Variants in MOK observed in about 807,000 individuals in gnomAD.
MOK encodes MOK protein kinase, also known as MAPK/MAK/MRK overlapping kinase.
In MOK, 59 loss-of-function variants were observed where a neutral mutation model predicts 54.2. The observed-to-expected ratio is 1.09, with a 90% CI of 0.88 to 1.35. The LOEUF (loss-of-function observed/expected upper bound fraction) is 1.35. Among genes scored for constraint, MOK ranks in the 40% most tolerant of loss-of-function variants. MOK has a pLI of 0.00. For missense variants in MOK, 517 were observed against 526.2 expected, an observed-to-expected ratio of 0.98 and a Z score of 0.17; for synonymous variants, 210 against 202.7, an observed-to-expected ratio of 1.04 and a Z score of -0.31.
chr14:102,261,336 T>C (rs190711807), intron 4 of MOK, among the ~76,000 whole-genome samples: 1,455 of 119,614 alleles, frequency 0.012, 35 homozygotes, highest in African/African-American at 0.036. Flanking sequence ...GTAGAATCTC[T>C]TGAACCTGGG....
downstream of MOK, among the ~76,000 whole-genome samples, chr14:102,222,036 T>C (rs76039327): frequency 9.8e-5 from 15 of 152,318 alleles, no homozygotes; most frequent in East Asian, 2.9e-3. The surrounding 1 kb of genome is among the most constrained non-coding windows in gnomAD (Gnocchi z 4.4). Context: ...TTAAACCCTC[T>C]TAGGTTTACC....
At position 102,263,529 on chromosome 14, in the gene MOK, CAA is replaced by C; in HGVS notation, c.283+15_283+16del. On this transcript the variant is annotated intron_variant, in intron 4 of 11. Transcript: ENST00000361847. ...TAAAAGAGGATCTTAGGTTAGCTTT[CAA>C]ATTATTCTACGTACCTCGTATTAGC... 6.4e-7 allele frequency: 1 copy of C among 1,557,968 alleles called. No individual in the cohort carries two copies. The highest frequency in any genetic ancestry group is 8.8e-7 in the Non-Finnish European group (1 of 1,142,576).
intron 2 of MOK, 46 bp from the exon 3 acceptor site, chr14:102,265,958 A>T (rs1386646227): frequency 7.4e-7 from 1 of 1,357,164 alleles, no homozygotes; most frequent in South Asian, 1.2e-5. Flanking sequence ...GTTTAGGTCA[A>T]CTTCAAAATT....
intron 4 of MOK, among the ~76,000 whole-genome samples, chr14:102,262,589 T>C (rs2067571790): frequency 6.6e-6 from 1 of 152,386 alleles, no homozygotes; most frequent in Non-Finnish European, 1.5e-5. Flanking sequence ...TTTTCCACTA[T>C]CCAACTTCAT....
chr14:102,297,999 A>G (rs910031874), intron 1 of MOK, among the ~76,000 whole-genome samples: 11 of 152,156 alleles, frequency 7.2e-5, no homozygotes, highest in Non-Finnish European at 1.3e-4. Context: ...GCGCAGCCCA[A>G]GCCTCCCCGA....
intron 2 of MOK, among the ~76,000 whole-genome samples, chr14:102,269,540 T>A (rs1482944591): frequency 6.6e-6 from 1 of 151,430 alleles, no homozygotes; most frequent in East Asian, 1.9e-4. Flanking sequence ...TGGAGTGATC[T>A]TGGCTCACTG....
intron 2 of MOK, among the ~76,000 whole-genome samples, chr14:102,266,330 A>T (rs7145061): frequency 0.2 from 30,614 of 151,336 alleles, 3,592 homozygotes; most frequent in African/African-American, 0.32. Context: ...TTTTTGAGAC[A>T]AAGCCTCACT....
At chr14:102,222,426 G>A, downstream of MOK, among the ~76,000 whole-genome samples, 1 of 152,196 alleles carries the variant, frequency 6.6e-6, no homozygotes, top group East Asian at 1.9e-4. This position sits in a 1 kb window ranked among gnomAD's most constrained non-coding sequence, Gnocchi z 4.4. Flanking sequence ...GAGGGACTGG[G>A]TGTGCGGTCC....
At chr14:102,218,902 G>A in the MOK span, among the ~76,000 whole-genome samples, 6 of 152,220 alleles carry the variant, frequency 3.9e-5, no homozygotes, top group Non-Finnish European at 8.8e-5. Flanking sequence ...CACAGGTGAA[G>A]CGTGGGCGGG....
chr14:102,272,719 C>A (rs2068480930), intron 2 of MOK, among the ~76,000 whole-genome samples: 1 of 152,070 alleles, frequency 6.6e-6, no homozygotes, highest in Non-Finnish European at 1.5e-5. Flanking sequence ...CAATTCAGGA[C>A]AAAAATTCTC....
Position 102,293,702 on chromosome 14 carries a change from A to C in MOK, c.8-10110T>G, listed in dbSNP as rs77364433. Among the ~76,000 whole-genome samples, 543 of 63,810 alleles carry C rather than the reference A, an allele frequency of 8.5e-3. 9 individuals carry two copies. The highest frequency in any genetic ancestry group is 0.041 in the African/African-American group (250 of 6,032). 41.9% of individuals were successfully genotyped at this position (63,810 alleles called of 152,430 possible). A position where few individuals can be genotyped will look rare whatever the true frequency, so the allele number is the denominator to read the frequency against. On this transcript the variant is annotated intron_variant, in intron 1 of 11. Transcript: ENST00000361847. ...GGCAACAAGAGCGAAACTCCATCACAAAAAAAAAAAAAAAAAAAAAAAAAG... is the reference window on the plus strand; with the variant it reads ...GGCAACAAGAGCGAAACTCCATCACCAAAAAAAAAAAAAAAAAAAAAAAAG...
rs778326923 is a variant in MOK at position 102,229,299 on chromosome 14, C to T, written c.1250G>A (p.Gly417Asp). The T allele has an allele frequency of 7.5e-6, 12 of 1,604,878 alleles. No homozygotes were observed. In the Admixed American group the frequency reaches 1.5e-4, roughly 20 times the overall value. ...QCRLPTIVRK[G>D]GR ...GACGGTGCTGCTCAGTTATCTTCCG[C>T]CTTTCCGCACTATGGTGGGCAGGCG... The change falls in exon 12 of 12, where the codon GGC becomes GAC. Residue 417 changes from glycine to aspartate, a missense_variant. By Grantham distance (94) the Gly-to-Asp change is moderately conservative. Transcript: ENST00000361847.
At chr14:102,233,842 C>A in intron 7 of MOK, 53 bp from the exon 8 acceptor site, 1 of 1,362,170 alleles carries the variant, frequency 7.3e-7, no homozygotes, top group South Asian at 1.2e-5. Flanking sequence ...GCCAACAGAC[C>A]TCACCAATTA....
chr14:102,243,981 CATCA>C (rs2065906206), intron 7 of MOK, among the ~76,000 whole-genome samples: 1 of 152,048 alleles, frequency 6.6e-6, no homozygotes, highest in Non-Finnish European at 1.5e-5. Context: ...AGGAACTACG[CATCA>C]ATATTTATAC....
intron 3 of MOK, among the ~76,000 whole-genome samples, chr14:102,265,039 G>A (rs1457455658): frequency 6.6e-6 from 1 of 152,208 alleles, no homozygotes; most frequent in Non-Finnish European, 1.5e-5. Context: ...CTGCCTTTTT[G>A]AATGATAGAT....
At chr14:102,226,481 C>T (rs1275108582), downstream of MOK, 9 of 700,644 alleles carry the variant, frequency 1.3e-5, no homozygotes, top group African/African-American at 8.7e-5. The surrounding 1 kb of genome is among the most constrained non-coding windows in gnomAD (Gnocchi z 4.8). Context: ...CCAGGGTTCA[C>T]GAGCTTTCCA....
chr14:102,222,974 C>T (rs538687865), downstream of MOK: 80 of 1,525,116 alleles, frequency 5.2e-5, no homozygotes, highest in African/African-American at 5.9e-4. The surrounding 1 kb of genome is among the most constrained non-coding windows in gnomAD (Gnocchi z 4.4). Context: ...CCGTGCCAGC[C>T]GGCGGACCTC....
Position 102,231,914 on chromosome 14 carries a change from G to GT in MOK, c.867-94dup, listed in dbSNP as rs1422939938. 9.8e-7 allele frequency: 1 copy of GT among 1,023,624 alleles called. No individual in the cohort carries two copies. Among genetic ancestry groups the GT allele is most frequent in the Non-Finnish European group, 1.5e-6 (1 of 684,912 alleles). The allele number at this position is 1,023,624 out of a possible 1,614,324, so 63.4% of individuals were successfully genotyped here. On this transcript the variant is annotated intron_variant, in intron 9 of 11. Coordinates refer to ENST00000361847, the MANE Select transcript of MOK (RefSeq NM_014226.3). The surrounding 1 kb of genome is among the most constrained non-coding windows in gnomAD (Gnocchi z 4.4). Reference sequence around the variant, plus strand: ...TCTTTGTCTCCAATTTGTCTACTGTGTGAGTTGTCACTAGCTCTTCTTTTC... The same window carrying GT: ...TCTTTGTCTCCAATTTGTCTACTGTGTTGAGTTGTCACTAGCTCTTCTTTTC...
chr14:102,253,849 C>T (rs908442455), intron 4 of MOK, among the ~76,000 whole-genome samples: 7 of 152,208 alleles, frequency 4.6e-5, no homozygotes, highest in Non-Finnish European at 1.0e-4. Context: ...TCCATGAGCA[C>T]ATATACCATT....
Sources: gnomAD v4.1 joint callset for allele counts (sites outside exome capture counted in the v4.1 genomes callset) on GRCh38, gnomAD v4.1.1 for gene constraint, Gnocchi (gnomAD v3.1) non-coding constraint, MANE v1.5 for transcripts, NCBI Gene and HGNC (gene_info 2026-07-23, HGNC 2026-07-21) for gene names.